LRP1B: variants seen among roughly 807,000 people sequenced by gnomAD.
LRP1B encodes low-density lipoprotein receptor-related protein 1B.
In LRP1B, 217 loss-of-function variants were observed where a neutral mutation model predicts 556.6. The observed-to-expected ratio is 0.39, with a 90% CI of 0.35 to 0.44. The LOEUF (loss-of-function observed/expected upper bound fraction) is 0.44, where lower values mean the gene tolerates loss of function less well. LRP1B is among the 20% of genes least tolerant of loss of function. The probability of loss-of-function intolerance (pLI) is 1.00; values close to 1 mark genes in which losing one functional copy is unlikely to be tolerated. For missense variants in LRP1B, 5,053 were observed against 5,620.8 expected, an observed-to-expected ratio of 0.90 and a Z score of 3.23; for synonymous variants, 2,047 against 1,865.8, an observed-to-expected ratio of 1.10 and a Z score of -2.50.
chr2:141,283,594 T>C (rs1423478074), intron 3 of LRP1B, among the ~76,000 whole-genome samples: 1 of 150,148 alleles, frequency 6.7e-6, no homozygotes, highest in Non-Finnish European at 1.5e-5. Flanking sequence ...CTTGAGGATG[T>C]GAGAGCACAG....
intron 3 of LRP1B, among the ~76,000 whole-genome samples, chr2:141,337,750 T>C (rs1009671283): frequency 1.4e-4 from 22 of 152,202 alleles, no homozygotes; most frequent in African/African-American, 4.8e-4. Context: ...TTATTTCTTT[T>C]TATCTTCTAA....
chr2:142,129,584 T>TTCTCTCTCTCTCTCTC (rs56034357), intron 1 of LRP1B, among the ~76,000 whole-genome samples: 4 of 134,732 alleles, frequency 3.0e-5, no homozygotes, highest in African/African-American at 5.5e-5. Context: ...CTTTCTCTCT[T>TTCTCTCTCTCTCTCTC]TCTCTCTCTC....
intron 66 of LRP1B, among the ~76,000 whole-genome samples, chr2:140,389,805 T>C (rs1380131955): frequency 6.6e-6 from 1 of 151,390 alleles, no homozygotes; most frequent in Non-Finnish European, 1.5e-5. Context: ...CAAGATTTTC[T>C]TGAAGAAACA....
intron 3 of LRP1B, among the ~76,000 whole-genome samples, chr2:141,420,235 G>A (rs1680088560): frequency 6.6e-6 from 1 of 152,132 alleles, no homozygotes; most frequent in Non-Finnish European, 1.5e-5. Flanking sequence ...TTGCTGATGA[G>A]TTGACCATTT....
Position 140,828,286 on chromosome 2 carries a change from A to G in LRP1B, c.5209+11705T>C, listed in dbSNP as rs115082837. Among the ~76,000 whole-genome samples, 838 of 152,340 alleles carry G rather than the reference A, an allele frequency of 5.5e-3. 2 individuals carry two copies. The highest frequency in any genetic ancestry group is 8.3e-3 in the Non-Finnish European group (562 of 68,040). ...CCTTACTTATCAAAAATAACATTGA[A>G]TGTAAATAGATTAAATTCTCCAATT... On this transcript the variant is annotated intron_variant, in intron 31 of 90. Coordinates refer to ENST00000389484, the MANE Select transcript of LRP1B (RefSeq NM_018557.3).
At chr2:140,752,051 T>A (rs1225616954) in intron 35 of LRP1B, among the ~76,000 whole-genome samples, 1 of 152,018 alleles carries the variant, frequency 6.6e-6, no homozygotes, top group African/African-American at 2.4e-5. Flanking sequence ...GCGCAATGGC[T>A]CACACCTGTA....
intron 2 of LRP1B, among the ~76,000 whole-genome samples, chr2:141,559,668 C>T (rs1686076871): frequency 6.6e-6 from 1 of 151,446 alleles, no homozygotes; most frequent in African/African-American, 2.4e-5. Flanking sequence ...ATTGCCAGCA[C>T]CATGCATTGA....
intron 66 of LRP1B, among the ~76,000 whole-genome samples, chr2:140,434,907 G>A (rs186366981): frequency 2.8e-4 from 42 of 152,242 alleles, no homozygotes; most frequent in Non-Finnish European, 8.8e-5. Flanking sequence ...AAGCATAAGT[G>A]TAAGGTTTTT....
At chr2:140,365,146 G>C (rs1055747049) in intron 71 of LRP1B, among the ~76,000 whole-genome samples, 1 of 151,292 alleles carries the variant, frequency 6.6e-6, no homozygotes, top group African/African-American at 2.4e-5. Context: ...TTTAAAATTT[G>C]TGTCTTTCTT....
chr2:141,333,244 G>A (rs966431744), intron 3 of LRP1B, among the ~76,000 whole-genome samples: 3 of 151,952 alleles, frequency 2.0e-5, no homozygotes, highest in South Asian at 2.1e-4. Flanking sequence ...GGGGATAAAC[G>A]CCATGGCACT....
chr2:141,241,293 A>G (rs1683868430), intron 5 of LRP1B, among the ~76,000 whole-genome samples: 1 of 152,124 alleles, frequency 6.6e-6, no homozygotes, highest in Non-Finnish European at 1.5e-5. Flanking sequence ...TTCCAAAGGC[A>G]GGCTGGGAAG....
intron 77 of LRP1B, among the ~76,000 whole-genome samples, chr2:140,344,841 T>C (rs1437661854): frequency 6.6e-6 from 1 of 151,500 alleles, no homozygotes; most frequent in Non-Finnish European, 1.5e-5. Context: ...GAGCCTGGGG[T>C]ATTTCATTAT....
chr2:140,912,674 CTG>C (rs751529071), intron 21 of LRP1B, among the ~76,000 whole-genome samples: 4 of 151,692 alleles, frequency 2.6e-5, no homozygotes, highest in Admixed American at 2.0e-4. Context: ...ATTTTGGTAA[CTG>C]TGGTTTTGTC....
intron 2 of LRP1B, among the ~76,000 whole-genome samples, chr2:141,673,590 C>T (rs903396217): frequency 1.1e-4 from 16 of 152,106 alleles, no homozygotes; most frequent in Non-Finnish European, 2.2e-4. Flanking sequence ...AAGAGCCATA[C>T]ACTGGTAAAA....
chr2:140,705,527 A>C (rs1686802391), intron 37 of LRP1B, among the ~76,000 whole-genome samples: 1 of 10,996 alleles, frequency 9.1e-5, no homozygotes, highest in Non-Finnish European at 3.6e-4. Context: ...GTCTCAAAAA[A>C]AAAAAAAAAA....
At chr2:140,906,746 T>C (rs1694264793) in intron 22 of LRP1B, among the ~76,000 whole-genome samples, 1 of 152,168 alleles carries the variant, frequency 6.6e-6, no homozygotes, top group Middle Eastern at 3.4e-3. Context: ...CTCACCAACC[T>C]ACTCCACTAC....
chr2:140,950,763 G>A (rs1695690159), intron 19 of LRP1B, among the ~76,000 whole-genome samples: 1 of 151,726 alleles, frequency 6.6e-6, no homozygotes, highest in South Asian at 2.1e-4. Context: ...AAATACTGGG[G>A]TTATAGACGT....
intron 15 of LRP1B, among the ~76,000 whole-genome samples, chr2:140,997,086 A>G (rs1289519621): frequency 1.3e-5 from 2 of 152,034 alleles, no homozygotes; most frequent in Non-Finnish European, 2.9e-5. Context: ...AAAATTCTAC[A>G]GTATGATCTC....
At chr2:141,975,037 T>C (rs1185222145) in intron 1 of LRP1B, among the ~76,000 whole-genome samples, 1 of 152,042 alleles carries the variant, frequency 6.6e-6, no homozygotes, top group Non-Finnish European at 1.5e-5. Flanking sequence ...GTGATACAAG[T>C]GAATGTATTG....
Sources: allele counts gnomAD v4.1 joint callset (sites outside exome capture counted in the v4.1 genomes callset), GRCh38; gene constraint gnomAD v4.1.1; transcripts MANE v1.5; gene names NCBI Gene and HGNC (gene_info 2026-07-23, HGNC 2026-07-21).